ERLIN1: variants seen among roughly 807,000 people sequenced by gnomAD.
The protein encoded by ERLIN1 is erlin-1.
In ERLIN1, 24 loss-of-function variants were observed where a neutral mutation model predicts 46.9. The ratio of observed to expected loss-of-function variants is 0.51; its 90% CI spans 0.37 to 0.72. ERLIN1 has a LOEUF of 0.72. Among genes scored for constraint, ERLIN1 ranks in the 30% least tolerant of loss-of-function variants. The pLI is 0.00. For synonymous variants in ERLIN1, 158 were observed against 143.2 expected, an observed-to-expected ratio of 1.10 and a Z score of -0.74; for missense variants, 293 against 417.9, an observed-to-expected ratio of 0.70 and a Z score of 2.61.
At chr10:100,165,822 T>C (rs915835010) in intron 7 of ERLIN1, among the ~76,000 whole-genome samples, 1 of 152,112 alleles carries the variant, frequency 6.6e-6, no homozygotes, top group East Asian at 1.9e-4. Flanking sequence ...ACCTCCCCGG[T>C]TGAAGCGACT....
chr10:100,154,517 C>G (rs1842973379), intron 10 of ERLIN1, among the ~76,000 whole-genome samples: 1 of 152,150 alleles, frequency 6.6e-6, no homozygotes, highest in East Asian at 1.9e-4. Flanking sequence ...ATGAGAAATA[C>G]TGCTCTAATC....
intron 6 of ERLIN1, among the ~76,000 whole-genome samples, chr10:100,168,097 T>C (rs892096561): frequency 6.6e-6 from 1 of 152,172 alleles, no homozygotes; most frequent in African/African-American, 2.4e-5. Flanking sequence ...GACAGTACTG[T>C]TTTTTGAAGG....
chr10:100,176,219 T>A, intron 4 of ERLIN1, 149 bp from the exon 5 acceptor site: 1 of 605,970 alleles, frequency 1.7e-6, no homozygotes, highest in Non-Finnish European at 2.7e-6. Flanking sequence ...CTAACAAATC[T>A]TGATGTGTTG....
chr10:100,157,357 A>G (rs930896821), intron 8 of ERLIN1, among the ~76,000 whole-genome samples: 2 of 152,240 alleles, frequency 1.3e-5, no homozygotes, highest in African/African-American at 4.8e-5. Flanking sequence ...AAGCAAGTAC[A>G]TGCAGAGGAA....
chr10:100,164,235 G>T, intron 7 of ERLIN1, 140 bp from the exon 8 acceptor site: 1 of 562,262 alleles, frequency 1.8e-6, no homozygotes, highest in South Asian at 2.5e-5. Context: ...TAAGAGAGGT[G>T]TTACTTTATT....
chr10:100,176,754 C>A (rs1314273744), intron 4 of ERLIN1, among the ~76,000 whole-genome samples: 1 of 152,106 alleles, frequency 6.6e-6, no homozygotes, highest in Non-Finnish European at 1.5e-5. Flanking sequence ...CAAAAACATG[C>A]TGCTTTCTAC....
intron 2 of ERLIN1, among the ~76,000 whole-genome samples, chr10:100,183,212 C>T (rs1417737014): frequency 6.6e-6 from 1 of 152,138 alleles, no homozygotes; most frequent in Admixed American, 6.5e-5. Flanking sequence ...TCTCCCATGG[C>T]CAAGACACTT....
At chr10:100,175,208 T>C (rs1844221221) in intron 5 of ERLIN1, among the ~76,000 whole-genome samples, 1 of 152,202 alleles carries the variant, frequency 6.6e-6, no homozygotes, top group Non-Finnish European at 1.5e-5. Context: ...TGTAAACTCG[T>C]CCTTGGTTGG....
At chr10:100,157,251 G>A (rs866285164) in intron 8 of ERLIN1, among the ~76,000 whole-genome samples, 3 of 152,192 alleles carry the variant, frequency 2.0e-5, no homozygotes, top group African/African-American at 4.8e-5. Flanking sequence ...ATCAGAAGAG[G>A]AGTATTCCAA....
intron 8 of ERLIN1, among the ~76,000 whole-genome samples, chr10:100,158,820 CAAGTAA>C (rs760170425): frequency 4.9e-4 from 74 of 152,092 alleles, no homozygotes; most frequent in Admixed American, 1.4e-3. Flanking sequence ...AACTTCCAAT[CAAGTAA>C]AAGGAAGAAA....
intron 2 of ERLIN1, among the ~76,000 whole-genome samples, chr10:100,179,615 C>T (rs777283170): frequency 9.2e-5 from 14 of 152,072 alleles, no homozygotes; most frequent in Admixed American, 7.2e-4. Flanking sequence ...CACCACTACG[C>T]TCAGCTAATT....
At chr10:100,160,877 G>A (rs1270658048) in intron 8 of ERLIN1, among the ~76,000 whole-genome samples, 3 of 152,174 alleles carry the variant, frequency 2.0e-5, no homozygotes, top group Admixed American at 2.0e-4. Flanking sequence ...AGCCTAGGAG[G>A]CTGAGGCTGC....
chr10:100,158,370 A>G (rs1843181966), intron 8 of ERLIN1, among the ~76,000 whole-genome samples: 1 of 152,244 alleles, frequency 6.6e-6, no homozygotes, highest in Non-Finnish European at 1.5e-5. Context: ...ACATACTTGT[A>G]AATAGGTGCA....
At chr10:100,168,559 C>T (rs1843780243) in intron 6 of ERLIN1, among the ~76,000 whole-genome samples, 1 of 152,032 alleles carries the variant, frequency 6.6e-6, no homozygotes, top group East Asian at 1.9e-4. Flanking sequence ...ATGTGACTAG[C>T]AGACATAAGA....
chr10:100,163,525 A>G (rs1446457268), intron 8 of ERLIN1, among the ~76,000 whole-genome samples: 1 of 152,214 alleles, frequency 6.6e-6, no homozygotes, highest in Non-Finnish European at 1.5e-5. Flanking sequence ...AGGGCAATCT[A>G]ATACACAGTG....
chr10:100,153,283 A>G (rs1842903235), intron 10 of ERLIN1, among the ~76,000 whole-genome samples: 1 of 152,182 alleles, frequency 6.6e-6, no homozygotes, highest in Admixed American at 6.5e-5. Flanking sequence ...GCCAAGATGT[A>G]TCTAACCAGA....
chr10:100,169,132 A>G (rs1343928971), intron 6 of ERLIN1, among the ~76,000 whole-genome samples: 4 of 152,176 alleles, frequency 2.6e-5, no homozygotes, highest in African/African-American at 7.2e-5. Flanking sequence ...AGTTGCATCA[A>G]AAGAGATTTT....
In ERLIN1 at chr10:100,185,499, G is replaced by A. The variant is rs1431843827; in HGVS notation, c.113+15C>T. 4 of 1,582,428 alleles carry A rather than the reference G, an allele frequency of 2.5e-6. No individual in the cohort carries two copies. The highest frequency in any genetic ancestry group is 3.5e-6 in the Non-Finnish European group (4 of 1,151,308). On this transcript the variant is annotated intron_variant, in intron 1 of 10. Coordinates refer to ENST00000421367, the MANE Select transcript of ERLIN1 (RefSeq NM_006459.4). ...ATCTGCTCTAGAGCCCTAACTGACT[G>A]CACATGCCGCTCACCTGTAGTACAC...
At chr10:100,172,404 T>C (rs1303546662) in intron 6 of ERLIN1, among the ~76,000 whole-genome samples, 1 of 152,226 alleles carries the variant, frequency 6.6e-6, no homozygotes, top group African/African-American at 2.4e-5. Flanking sequence ...TTCATCATTT[T>C]CCTAGTATCT....
Sources: allele counts gnomAD v4.1 joint callset (sites outside exome capture counted in the v4.1 genomes callset), GRCh38; gene constraint gnomAD v4.1.1; transcripts MANE v1.5; gene names NCBI Gene and HGNC (gene_info 2026-07-23, HGNC 2026-07-21).